EYS: variants seen among roughly 807,000 people sequenced by gnomAD.
EYS encodes the protein EGF-like photoreceptor maintenance factor, also known as protein eyes shut homolog.
EYS carries 250 observed loss-of-function variants against 282.1 expected under a neutral mutation model. That is an observed-to-expected ratio of 0.89 (90% CI 0.80 to 0.98). The LOEUF is 0.98. Ranked by LOEUF, EYS falls within the 50% of genes least tolerant of loss-of-function variation. The pLI is 0.00. For missense variants in EYS, 4,016 were observed against 3,709.0 expected (o/e 1.08, Z -2.15); for synonymous variants, 1,355 against 1,282.9 (o/e 1.06, Z -1.20).
chr6:64,519,666 C>T (rs911968720), intron 26 of EYS, among the ~76,000 whole-genome samples: 1 of 151,704 alleles, frequency 6.6e-6, no homozygotes, highest in African/African-American at 2.4e-5. Flanking sequence ...TGTCCACCCA[C>T]CAATTGGAGG....
intron 11 of EYS, among the ~76,000 whole-genome samples, chr6:65,314,009 T>C (rs1769231118): frequency 6.6e-6 from 1 of 152,140 alleles, no homozygotes; most frequent in African/African-American, 2.4e-5. Flanking sequence ...CCTCCAGCCT[T>C]GCTGACCTTG....
chr6:64,069,596 A>C (rs1409348341), intron 32 of EYS, among the ~76,000 whole-genome samples: 1 of 152,150 alleles, frequency 6.6e-6, no homozygotes, highest in African/African-American at 2.4e-5. Flanking sequence ...GCCAGCATTA[A>C]TATTCAGTGA....
At chr6:64,594,747 G>A (rs998085223) in intron 24 of EYS, among the ~76,000 whole-genome samples, 2 of 150,552 alleles carry the variant, frequency 1.3e-5, no homozygotes, top group African/African-American at 2.4e-5. Context: ...GCTAAATGAC[G>A]AGTTAATGGG....
chr6:64,406,363 A>G (rs1275924092), intron 28 of EYS, among the ~76,000 whole-genome samples: 1 of 152,218 alleles, frequency 6.6e-6, no homozygotes, highest in Non-Finnish European at 1.5e-5. Flanking sequence ...AAAACCCTAG[A>G]GGAAAACCTA....
intron 31 of EYS, among the ~76,000 whole-genome samples, chr6:64,206,417 A>T (rs1233471826): frequency 6.6e-6 from 1 of 152,154 alleles, no homozygotes; most frequent in Non-Finnish European, 1.5e-5. Flanking sequence ...TTTCTGTCAT[A>T]CAACTTATTT....
intron 31 of EYS, among the ~76,000 whole-genome samples, chr6:64,118,859 T>A (rs1773477423): frequency 1.3e-5 from 2 of 151,672 alleles, no homozygotes; most frequent in South Asian, 4.1e-4. Flanking sequence ...GAAAAACAGA[T>A]AATAATAATC....
rs185330133 is a variant in EYS, at chr6:64,004,079, A to G, written c.6726-4896T>C. ...ACTGAAATCTCTACTTGTAGAACTT[A>G]TGTTAGACATTTTTTGGAAGCCTGT... On this transcript the variant is annotated intron_variant, in intron 33 of 42. Transcript: ENST00000503581. Among the ~76,000 whole-genome samples, 76 of 152,298 alleles carry G rather than the reference A, an allele frequency of 5.0e-4. 1 individual carries two copies. The highest frequency in any genetic ancestry group is 6.8e-3 in the Middle Eastern group (2 of 294).
At chr6:65,391,726 A>C (rs371602001) in intron 7 of EYS, among the ~76,000 whole-genome samples, 1 of 152,098 alleles carries the variant, frequency 6.6e-6, no homozygotes, top group East Asian at 1.9e-4. Context: ...AATCAATATC[A>C]TGAAAATGGC....
chr6:65,148,665 A>G (rs1022892779), intron 12 of EYS, among the ~76,000 whole-genome samples: 4 of 151,748 alleles, frequency 2.6e-5, no homozygotes, highest in African/African-American at 9.7e-5. Context: ...TCTAGTATGC[A>G]CTCTGGGTGG....
chr6:63,927,945 C>T (rs996736510), intron 35 of EYS, among the ~76,000 whole-genome samples: 2 of 152,208 alleles, frequency 1.3e-5, no homozygotes, highest in Non-Finnish European at 2.9e-5. Flanking sequence ...GATGCTCAGA[C>T]AGGCTTCTCT....
chr6:64,174,176 T>A (rs993883297), intron 31 of EYS, among the ~76,000 whole-genome samples: 1 of 152,102 alleles, frequency 6.6e-6, no homozygotes, highest in African/African-American at 2.4e-5. Context: ...AAATAAAATA[T>A]CTGGCCAATA....
At chr6:63,899,751 C>T (rs754739761) in intron 35 of EYS, among the ~76,000 whole-genome samples, 1 of 152,202 alleles carries the variant, frequency 6.6e-6, no homozygotes, top group Non-Finnish European at 1.5e-5. Flanking sequence ...CTCTCCCTTG[C>T]TCAACTGTAA....
chr6:65,492,593 AT>A (rs1394065562), intron 4 of EYS, among the ~76,000 whole-genome samples: 11 of 152,168 alleles, frequency 7.2e-5, no homozygotes, highest in Admixed American at 7.2e-4. Flanking sequence ...AAGACTGTCT[AT>A]TAAATTGCTT....
At chr6:65,346,558 T>C (rs1005528473) in intron 9 of EYS, among the ~76,000 whole-genome samples, 1 of 150,662 alleles carries the variant, frequency 6.6e-6, no homozygotes, top group Non-Finnish European at 1.5e-5. Flanking sequence ...TAAAGCAATA[T>C]GAAAAGAAAT....
chr6:64,846,655 C>G (rs1014172264), intron 19 of EYS, among the ~76,000 whole-genome samples: 11 of 151,958 alleles, frequency 7.2e-5, no homozygotes, highest in Non-Finnish European at 1.3e-4. Flanking sequence ...ATTCTCAAAG[C>G]AATTGTTAAT....
At chr6:65,568,386 G>A (rs1327061936) in intron 2 of EYS, among the ~76,000 whole-genome samples, 1 of 150,798 alleles carries the variant, frequency 6.6e-6, no homozygotes, top group Admixed American at 6.6e-5. Flanking sequence ...CATTTTAAAG[G>A]CTTCTGTGTA....
intron 22 of EYS, among the ~76,000 whole-genome samples, chr6:64,812,794 C>T (rs1764636283): frequency 6.6e-6 from 1 of 151,710 alleles, no homozygotes; most frequent in South Asian, 2.1e-4. Context: ...TAAAGTTGAA[C>T]AGATAGTGAC....
intron 35 of EYS, among the ~76,000 whole-genome samples, chr6:63,941,636 C>A (rs1342521536): frequency 6.6e-6 from 1 of 152,072 alleles, no homozygotes; most frequent in Non-Finnish European, 1.5e-5. Context: ...GAAAAAAATG[C>A]CACAAAGGAC....
chr6:65,129,351 A>C (rs888605352), intron 12 of EYS, among the ~76,000 whole-genome samples: 1 of 152,076 alleles, frequency 6.6e-6, no homozygotes, highest in Non-Finnish European at 1.5e-5. Context: ...GGTCCTACAC[A>C]ACAAGAGACA....
Sources: allele counts gnomAD v4.1 joint callset (sites outside exome capture counted in the v4.1 genomes callset), GRCh38; gene constraint gnomAD v4.1.1; transcripts MANE v1.5; gene names NCBI Gene and HGNC (gene_info 2026-07-23, HGNC 2026-07-21).